Variants in CDAN1 observed in about 807,000 individuals in gnomAD.
CDAN1 encodes codanin-1.
Under a neutral mutation model 139.8 loss-of-function variants are expected in CDAN1, and 107 were observed. The observed-to-expected ratio is 0.77, with a 90% CI of 0.65 to 0.90. The LOEUF (loss-of-function observed/expected upper bound fraction) is 0.90. Among genes scored for constraint, CDAN1 ranks in the 40% least tolerant of loss-of-function variants. The probability of loss-of-function intolerance (pLI) is 0.00; values close to 1 mark genes in which losing one functional copy is unlikely to be tolerated. For missense variants in CDAN1, 1,667 were observed against 1,575.7 expected (o/e 1.06, Z -0.98); for synonymous variants, 776 against 660.6 (o/e 1.17, Z -2.68).
chr15:42,725,218 C>A lies in CDAN1; in HGVS notation c.3484G>T (p.Val1162Leu). Residue 1162 changes from valine to leucine, a missense_variant, in exon 27 of 28, where the codon GTG (valine) becomes TTG (leucine). Coordinates refer to ENST00000356231, the MANE Select transcript of CDAN1 (RefSeq NM_138477.4). ...DLLLFLLREL[V>L]EKGLMGRMEI... ...ATCCGTCCCATCAGACCCTTCTCCACCAGCTCCCGTAGCAAGAATAGCAGC... is the reference window on the plus strand; with the variant it reads ...ATCCGTCCCATCAGACCCTTCTCCAACAGCTCCCGTAGCAAGAATAGCAGC... 1 of 1,614,240 alleles carries A rather than the reference C, an allele frequency of 6.2e-7. No individual in the cohort carries two copies. The highest frequency in any genetic ancestry group is 1.1e-5 in the South Asian group (1 of 91,090).
chr15:42,731,825 T>C lies in CDAN1; in HGVS notation c.1534A>G (p.Met512Val), dbSNP rs776258717. The C allele has an allele frequency of 1.7e-5, 27 of 1,613,280 alleles. No homozygotes were observed. The South Asian group carries it at 2.6e-4, about 16-fold the overall frequency. The change falls in exon 11 of 28, where the codon ATG becomes GTG. Residue 512 changes from methionine (M) to valine (V), a missense_variant and splice_region_variant. Met to Val is a conservative substitution (Grantham distance 21, BLOSUM62 1). This residue lies in a region of CDAN1 where 244 missense variants were observed against 309.4 expected (regional missense o/e 0.79). Coordinates refer to ENST00000356231, the MANE Select transcript of CDAN1 (RefSeq NM_138477.4). ...VRLFQKQLLQMCQSPGGAGGT... is the reference protein window; with the variant it reads ...VRLFQKQLLQVCQSPGGAGGT... ...CCAGCACCACCAGGGCTCTGACACA[T>C]CTAGGGTGGAAGAGGAAGGAGAGAA... is the stretch of plus-strand genomic sequence containing the variant.
chr15:42,729,385 C>G (rs200517134), intron 17 of CDAN1, 23 bp from the exon 18 acceptor site: 12 of 1,613,898 alleles, frequency 7.4e-6, no homozygotes, highest in Non-Finnish European at 1.0e-5. Context: ...AGTCCAAGTT[C>G]TCAGTTCCAG....
intron 13 of CDAN1, 75 bp from the exon 14 acceptor site, chr15:42,730,839 T>G: frequency 6.2e-7 from 1 of 1,613,300 alleles, no homozygotes. Flanking sequence ...CTGCCTGGTT[T>G]CCAGAATAGC....
At chr15:42,725,826 T>C (rs2061519317) in intron 25 of CDAN1, among the ~76,000 whole-genome samples, 156 bp from the exon 26 acceptor site, 1 of 151,776 alleles carries the variant, frequency 6.6e-6, no homozygotes, top group South Asian at 2.1e-4. Flanking sequence ...CTATTAAAAA[T>C]ACCAAAATTA....
At chr15:42,731,417 G>C in intron 11 of CDAN1, 86 bp from the exon 12 acceptor site, 1 of 1,581,444 alleles carries the variant, frequency 6.3e-7, no homozygotes, top group South Asian at 1.1e-5. Flanking sequence ...AGAGGGAAGG[G>C]AGCAGCAGGA....
Position 42,729,034 on chromosome 15 carries a change from G to C in CDAN1, c.2634C>G (p.Val878=). 4 of 1,614,146 alleles carry C rather than the reference G, an allele frequency of 2.5e-6. No individual in the cohort carries two copies. The highest frequency in any genetic ancestry group is 3.4e-6 in the Non-Finnish European group (4 of 1,179,988). The part of the protein sequence containing the change: ...FVAERIGSNC[V]KHIKATLVAD... ...TAACCCACTCTTACTTGATATGTTT[G>C]ACACAGTTTGATCCAATTCTTTCTG... The change falls in exon 19 of 28, where the codon GTC becomes GTG. Residue 878 remains valine (V), a synonymous_variant. Coordinates refer to ENST00000356231, the MANE Select transcript of CDAN1 (RefSeq NM_138477.4).
chr15:42,724,942 A>C (rs1205801814), intron 27 of CDAN1: 6 of 650,828 alleles, frequency 9.2e-6, no homozygotes, highest in Non-Finnish European at 1.6e-5. Flanking sequence ...CTGCTTTCCA[A>C]CTAACTGCCT....
chr15:42,736,249 G>A, intron 2 of CDAN1, 53 bp downstream of exon 2: 1 of 1,608,854 alleles, frequency 6.2e-7, no homozygotes, highest in African/African-American at 1.3e-5. Flanking sequence ...TCGAATGACT[G>A]ACTCCCCAGA....
rs2061530657 is a variant in CDAN1, at chr15:42,726,437, A to G, written c.3097-20T>C. 1.3e-6 allele frequency: 2 copies of G among 1,558,326 alleles called. No individual in the cohort carries two copies. Among genetic ancestry groups the G allele is most frequent in the African/African-American group, 1.4e-5 (1 of 73,658 alleles). ...CACGTCCTGTGAAGAGCAGGGGGAG[A>G]TATCACCTTGCGCTGGGGGCCAGGA... On this transcript the variant is annotated intron_variant, in intron 23 of 27. Transcript: ENST00000356231.
chr15:42,734,779 C>CTTTTT (rs11434933), intron 6 of CDAN1, among the ~76,000 whole-genome samples: 3 of 110,498 alleles, frequency 2.7e-5, no homozygotes, highest in East Asian at 2.5e-4. Context: ...CACACCCGGC[C>CTTTTT]TTTTTTTTTT....
Position 42,726,298 on chromosome 15 carries a change from G to A in CDAN1, c.3204+12C>T. The A allele has an allele frequency of 6.3e-7, 1 of 1,587,584 alleles. No individual in the cohort carries two copies. The highest frequency in any genetic ancestry group is 8.6e-7 in the Non-Finnish European group (1 of 1,166,668). On this transcript the variant is annotated intron_variant, in intron 24 of 27. Transcript: ENST00000356231. The stretch of plus-strand genomic sequence containing the variant: ...AGAAAAAAGCCCCCCGGTGGCAGAT[G>A]CCACAGCTCACCTGGCGGCACCGCA...
chr15:42,726,406 G>C lies in CDAN1; in HGVS notation c.3108C>G (p.Ser1036=). The stretch of plus-strand genomic sequence containing the variant: ...CAGGGTCCCGTGGCCCCACGGCCAA[G>C]GAGAGCACGTCCTGTGAAGAGCAGG... ...HLISEIKDVL[S]LAVGPRDPDE... Residue 1036 remains serine (S), a synonymous_variant, in exon 24 of 28, where the codon TCC becomes TCG. Coordinates refer to ENST00000356231, the MANE Select transcript of CDAN1 (RefSeq NM_138477.4). 6.3e-7 allele frequency: 1 copy of C among 1,594,166 alleles called. No individual in the cohort carries two copies. Among genetic ancestry groups the C allele is most frequent in the Non-Finnish European group, 8.5e-7 (1 of 1,170,478 alleles).
chr15:42,733,228 C>A, intron 8 of CDAN1, 42 bp from the exon 9 acceptor site: 1 of 1,512,848 alleles, frequency 6.6e-7, no homozygotes, highest in South Asian at 1.1e-5. Flanking sequence ...CACTCACTCC[C>A]ACCAGTGCCT....
chr15:42,734,949 T>C (rs2061668023), intron 6 of CDAN1, 151 bp downstream of exon 6: 2 of 707,386 alleles, frequency 2.8e-6, no homozygotes, highest in Non-Finnish European at 5.2e-6. Context: ...ACTACATTCA[T>C]AGCCTTAACA....
Position 42,724,165 on chromosome 15 carries a change from G to T in CDAN1, c.*326C>A. ...ACTACAAAGTTTTAAGAGATGCTGG[G>T]ATAGCAAATGAGGCTTGAATTCTGT... On this transcript the variant is annotated 3_prime_UTR_variant, in exon 28 of 28. Coordinates refer to ENST00000356231, the MANE Select transcript of CDAN1 (RefSeq NM_138477.4). The T allele has an allele frequency of 2.7e-6, 1 of 368,222 alleles. No homozygotes were observed. The highest frequency in any genetic ancestry group is 5.2e-6 in the Non-Finnish European group (1 of 190,878). 22.8% of individuals were successfully genotyped at this position (368,222 alleles called of 1,614,324 possible).
intron 20 of CDAN1, 55 bp downstream of exon 20, chr15:42,728,596 AG>A: frequency 1.2e-6 from 2 of 1,607,328 alleles, no homozygotes; most frequent in Non-Finnish European, 1.7e-6. Flanking sequence ...GAAGGAGGAA[AG>A]AAAGGACAGA....
chr15:42,726,272 CAG>C, intron 24 of CDAN1, 36 bp downstream of exon 24: 3 of 1,593,540 alleles, frequency 1.9e-6, no homozygotes, highest in Non-Finnish European at 2.6e-6. Context: ...CACAAGGACA[CAG>C]AAAAAAGCCC....
At chr15:42,730,879 C>G in intron 13 of CDAN1, 46 bp downstream of exon 13, 1 of 1,613,848 alleles carries the variant, frequency 6.2e-7, no homozygotes, top group Non-Finnish European at 8.5e-7. Context: ...CAGTGCCTGG[C>G]CGGTCCTCCC....
chr15:42,729,487 A>C, intron 17 of CDAN1, 81 bp downstream of exon 17: 2 of 1,603,712 alleles, frequency 1.2e-6, no homozygotes, highest in Non-Finnish European at 1.7e-6. Context: ...GCAATATCCA[A>C]GGGAGCTGGG....
Sources: allele counts gnomAD v4.1 joint callset (sites outside exome capture counted in the v4.1 genomes callset), GRCh38; gene constraint gnomAD v4.1.1; regional missense constraint gnomAD v4.1.1; transcripts MANE v1.5; gene names NCBI Gene and HGNC (gene_info 2026-07-23, HGNC 2026-07-21).